Variants in MCM8 observed in about 807,000 individuals in gnomAD.
MCM8 encodes minichromosome maintenance 8 homologous recombination repair factor.
A neutral mutation model predicts 98.9 loss-of-function variants in MCM8; 85 were observed. The ratio of observed to expected loss-of-function variants is 0.86; its 90% CI spans 0.72 to 1.03. The LOEUF is 1.03. MCM8 is among the 50% of genes least tolerant of loss of function. The pLI, the probability that MCM8 is intolerant of heterozygous loss-of-function variation, is 0.00. For synonymous variants in MCM8, 352 were observed against 338.6 expected (o/e 1.04, Z -0.44); for missense variants, 951 against 997.8 (o/e 0.95, Z 0.63).
chr20:5,994,518 C>CAT lies in MCM8; in HGVS notation c.*128_*129insTA. On this transcript the variant is annotated 3_prime_UTR_variant, in exon 19 of 19. Transcript: ENST00000610722. ...ACACACACACACACACACACACACA[C>CAT]ACACAGTCAAATACTGTTCTCTGAA... The CAT allele has an allele frequency of 6.7e-6, 4 of 597,516 alleles. No homozygotes were observed. The highest frequency in any genetic ancestry group is 2.9e-6 in the Non-Finnish European group (1 of 343,120). 37.0% of individuals were successfully genotyped at this position (597,516 alleles called of 1,614,324 possible).
chr20:5,968,021 G>A lies in MCM8; in HGVS notation c.1219G>A (p.Val407Ile), dbSNP rs200564852. The A allele has an allele frequency of 4.4e-6, 7 of 1,606,056 alleles. No individual in the cohort carries two copies. The highest frequency in any genetic ancestry group is 5.9e-6 in the Non-Finnish European group (7 of 1,176,548). The change falls in exon 10 of 19, where the codon GTC becomes ATC. Residue 407 changes from valine to isoleucine, a missense_variant. Coordinates refer to ENST00000610722, the MANE Select transcript of MCM8 (RefSeq NM_032485.6). ...QAEENLFKLI[V>I]NSLCPVIFGH... ...TGAAGAAAACCTGTTTAAACTCATTGTCAAGTATGTATGCTGTCATTTGAA... is the reference window on the plus strand; with the variant it reads ...TGAAGAAAACCTGTTTAAACTCATTATCAAGTATGTATGCTGTCATTTGAA...
intron 7 of MCM8, 90 bp downstream of exon 7, chr20:5,958,816 G>C (rs1031164434): frequency 8.7e-7 from 1 of 1,154,816 alleles, no homozygotes; most frequent in Non-Finnish European, 1.2e-6. Context: ...TCTGAACACA[G>C]AGCTTATTTT....
intron 12 of MCM8, among the ~76,000 whole-genome samples, chr20:5,976,669 G>C (rs2089517951): frequency 6.6e-6 from 1 of 152,208 alleles, no homozygotes; most frequent in African/African-American, 2.4e-5. Context: ...AGGAGCTGCT[G>C]GTGCAACTCG....
intron 16 of MCM8, among the ~76,000 whole-genome samples, 187 bp downstream of exon 16, chr20:5,986,318 T>G (rs1293946759): frequency 6.6e-6 from 1 of 152,264 alleles, no homozygotes; most frequent in East Asian, 1.9e-4. Context: ...GTATAGCTAC[T>G]TCTTTCTAGT....
At chr20:5,983,691 C>T (rs965323432) in intron 14 of MCM8, among the ~76,000 whole-genome samples, 5 of 151,488 alleles carry the variant, frequency 3.3e-5, no homozygotes, top group Non-Finnish European at 5.9e-5. Context: ...CAGAGTGAGA[C>T]GCCATGTCAA....
Position 5,954,738 on chromosome 20 carries a change from AT to A in MCM8, c.336+49del, listed in dbSNP as rs747094457. The A allele has an allele frequency of 2.8e-5, 32 of 1,144,204 alleles. No homozygotes were observed. The African/African-American group carries it at 4.9e-4, about 17-fold the overall frequency. 70.9% of individuals were successfully genotyped at this position (1,144,204 alleles called of 1,614,324 possible). A position where few individuals can be genotyped will look rare whatever the true frequency, so the allele number is the denominator to read the frequency against. ...CTACCAGTCATGTGCCATCTTACCA[AT>A]GTATTCGAGGTACTTGTGATTATGA... is the stretch of plus-strand genomic sequence containing the variant. On this transcript the variant is annotated intron_variant, in intron 4 of 18. Coordinates refer to ENST00000610722, the MANE Select transcript of MCM8 (RefSeq NM_032485.6).
rs368740837 is a variant in MCM8 at position 5,955,226 on chromosome 20, C to T, written c.461C>T (p.Ala154Val). 8 of 1,613,078 alleles carry T rather than the reference C, an allele frequency of 5.0e-6. No homozygotes were observed. The African/African-American group carries it at 8.0e-5, about 16-fold the overall frequency. ...AGAGATGCACCTGAGAAAACCTTGG[C>T]TTGCATGGGTTTGGCAATACATCAG... is the stretch of plus-strand genomic sequence containing the variant. ...ELRDAPEKTL[A>V]CMGLAIHQVL... Residue 154 changes from alanine (A) to valine (V), a missense_variant, in exon 5 of 19, where the codon GCT (alanine) becomes GTT (valine). Physicochemically the swap from Ala to Val is moderately conservative, Grantham distance 64 (BLOSUM62 0). Coordinates refer to ENST00000610722, the MANE Select transcript of MCM8 (RefSeq NM_032485.6).
In MCM8 at chr20:5,994,478, G is replaced by GACACACACACACACACACACACAC. The variant is rs11472210; in HGVS notation, c.*109_*132dup. The GACACACACACACACACACACACAC allele has an allele frequency of 2.7e-6, 1 of 365,544 alleles. No homozygotes were observed. The highest frequency in any genetic ancestry group is 2.3e-5 in the African/African-American group (1 of 42,596). The allele number at this position is 365,544 out of a possible 1,614,324, so 22.6% of individuals were successfully genotyped here. A position where few individuals can be genotyped will look rare whatever the true frequency, so the allele number is the denominator to read the frequency against. On this transcript the variant is annotated 3_prime_UTR_variant, in exon 19 of 19. Coordinates refer to ENST00000610722, the MANE Select transcript of MCM8 (RefSeq NM_032485.6). ...ATATGCGTGCACGCACAGACAGACA[G>GACACACACACACACACACACACAC]ACACACACACACACACACACACACA...
rs200203649 is a variant in MCM8, at chr20:5,954,683, A to G, written c.329A>G (p.Tyr110Cys). 1 of 1,579,422 alleles carries G rather than the reference A, an allele frequency of 6.3e-7. No individual in the cohort carries two copies. Among genetic ancestry groups the G allele is most frequent in the East Asian group, 2.2e-5 (1 of 44,714 alleles). ...EKFFTRHIDL[Y>C]DKDEIERKGS... ...TTTTTCACAAGGCATATTGATTTGT[A>G]TGACAAGGTAAGATTCCTCTACAGC... Residue 110 changes from tyrosine (Y) to cysteine (C), a missense_variant, in exon 4 of 19, where the codon TAT (tyrosine) becomes TGT (cysteine). Tyr to Cys is a radical substitution (Grantham distance 194, BLOSUM62 -2). Coordinates refer to ENST00000610722, the MANE Select transcript of MCM8 (RefSeq NM_032485.6).
intron 10 of MCM8, among the ~76,000 whole-genome samples, chr20:5,969,486 G>A (rs1351690674): frequency 6.6e-6 from 1 of 151,946 alleles, no homozygotes; most frequent in African/African-American, 2.4e-5. Context: ...TAGCTTCCTG[G>A]GTGGCTGAGA....
chr20:5,953,667 G>C (rs1019666780), intron 3 of MCM8, among the ~76,000 whole-genome samples: 15 of 151,898 alleles, frequency 9.9e-5, no homozygotes, highest in Non-Finnish European at 1.6e-4. Context: ...TAGAGACGGG[G>C]TTTCACCGTG....
intron 7 of MCM8, among the ~76,000 whole-genome samples, chr20:5,960,795 CGTG>C (rs1304405361): frequency 6.6e-6 from 1 of 152,128 alleles, no homozygotes; most frequent in Admixed American, 6.5e-5. Flanking sequence ...ATTAGCCAGA[CGTG>C]GTGGCACATG....
At chr20:5,977,362 G>A (rs2089532766) in intron 12 of MCM8, among the ~76,000 whole-genome samples, 1 of 152,220 alleles carries the variant, frequency 6.6e-6, no homozygotes, top group Non-Finnish European at 1.5e-5. Flanking sequence ...GTGCATGGTG[G>A]AGCCACGATT....
intron 3 of MCM8, 36 bp from the exon 4 acceptor site, chr20:5,954,572 T>TG: frequency 8.3e-7 from 1 of 1,202,274 alleles, no homozygotes; most frequent in Non-Finnish European, 1.2e-6. Flanking sequence ...TGTACCTGTG[T>TG]GATTATTTGT....
intron 10 of MCM8, among the ~76,000 whole-genome samples, chr20:5,971,605 G>C (rs2089404860): frequency 6.6e-6 from 1 of 152,120 alleles, no homozygotes; most frequent in Non-Finnish European, 1.5e-5. Flanking sequence ...ATTATATACT[G>C]AGTTCACTTC....
chr20:5,972,118 A>G, intron 11 of MCM8, 81 bp downstream of exon 11: 1 of 1,060,632 alleles, frequency 9.4e-7, no homozygotes, highest in Non-Finnish European at 1.4e-6. Context: ...AGAAAGTAGC[A>G]AATTTCTATT....
In MCM8 at chr20:5,997,819, C is replaced by T. The variant is rs185485807; in HGVS notation, c.*3428C>T. The T allele has an allele frequency of 6.6e-6, 1 of 152,352 alleles. No individual in the cohort carries two copies. Among genetic ancestry groups the T allele is most frequent in the African/African-American group, 2.4e-5 (1 of 41,558 alleles). 9.4% of individuals were successfully genotyped at this position (152,352 alleles called of 1,614,324 possible). Reference sequence around the variant, plus strand: ...GTCTTCCTTTGTTGCCCAAGCTGGTCTCAAACTCCAGGGCTTCCTGAGTAG... The same window carrying T: ...GTCTTCCTTTGTTGCCCAAGCTGGTTTCAAACTCCAGGGCTTCCTGAGTAG... On this transcript the variant is annotated 3_prime_UTR_variant, in exon 19 of 19. Transcript: ENST00000610722.
At position 5,986,098 on chromosome 20, in the gene MCM8, C is replaced by T. The variant is rs543819746; in HGVS notation, c.2130C>T (p.Thr710=). 1.9e-6 allele frequency: 3 copies of T among 1,614,048 alleles called. No individual in the cohort carries two copies. The highest frequency in any genetic ancestry group is 1.7e-5 in the Admixed American group (1 of 60,008). ...SQRLNSSPIT[T]RQLESLIRLT... ...GGTTAAATAGCTCACCAATCACTACCAGGCAGCTGGAATCTTTGATTCGTC... is the reference window on the plus strand; with the variant it reads ...GGTTAAATAGCTCACCAATCACTACTAGGCAGCTGGAATCTTTGATTCGTC... Residue 710 remains threonine (T), a synonymous_variant, in exon 16 of 19, where the codon ACC becomes ACT. Coordinates refer to ENST00000610722, the MANE Select transcript of MCM8 (RefSeq NM_032485.6).
intron 12 of MCM8, 99 bp downstream of exon 12, chr20:5,973,295 A>T: frequency 6.8e-7 from 1 of 1,471,564 alleles, no homozygotes; most frequent in South Asian, 1.2e-5. Flanking sequence ...TGTGTTCCAG[A>T]GGACATGGTT....
Sources: gnomAD v4.1 joint callset for allele counts (sites outside exome capture counted in the v4.1 genomes callset) on GRCh38, gnomAD v4.1.1 for gene constraint, MANE v1.5 for transcripts, NCBI Gene and HGNC (gene_info 2026-07-23, HGNC 2026-07-21) for gene names.